CMIP: variants seen among roughly 807,000 people sequenced by gnomAD.
CMIP encodes c-Maf inducing protein.
In CMIP, 13 loss-of-function variants were observed where a neutral mutation model predicts 97.3. The observed-to-expected ratio is 0.13, with a 90% CI of 0.09 to 0.21. The LOEUF (loss-of-function observed/expected upper bound fraction) is 0.21, where lower values mean the gene tolerates loss of function less well. Among genes scored for constraint, CMIP ranks in the 10% least tolerant of loss-of-function variants. The pLI is 1.00. For missense variants in CMIP, 847 were observed against 1,024.9 expected (o/e 0.83, Z 2.37); for synonymous variants, 538 against 436.3 (o/e 1.23, Z -2.91).
intron 10 of CMIP, among the ~76,000 whole-genome samples, chr16:81,687,598 T>G (rs1373640648): frequency 3.3e-5 from 5 of 152,068 alleles, no homozygotes; most frequent in African/African-American, 1.2e-4. Flanking sequence ...TGGTGACTTG[T>G]GGGAAATCAC....
At chr16:81,465,821 C>G (rs8044366) in intron 1 of CMIP, among the ~76,000 whole-genome samples, 38,151 of 152,062 alleles carry the variant, frequency 0.25, 5,636 homozygotes, top group Admixed American at 0.4. Flanking sequence ...CTGTGAGTTC[C>G]CTCGCTCCAG....
intron 10 of CMIP, chr16:81,691,536 G>C (rs573334615): frequency 2.8e-5 from 16 of 578,194 alleles, no homozygotes; most frequent in Non-Finnish European, 4.3e-5. Flanking sequence ...CTGGGGAATA[G>C]ACAGCTCACC....
At position 81,476,065 on chromosome 16, in the gene CMIP, G is replaced by A. The variant is rs541024411; in HGVS notation, c.300+30524G>A. On this transcript the variant is annotated intron_variant, in intron 1 of 20. Transcript: ENST00000537098. Reference sequence around the variant, plus strand: ...AGTTAGCAATAGTGATCTTCTTGCTGGTCTTGCCATTCCTGGACCCAAAGT... The same window carrying A: ...AGTTAGCAATAGTGATCTTCTTGCTAGTCTTGCCATTCCTGGACCCAAAGT... 39 of 735,906 alleles carry A rather than the reference G, an allele frequency of 5.3e-5. No individual in the cohort carries two copies. In the East Asian group the frequency reaches 1.0e-3, roughly 19 times the overall value. 45.6% of individuals were successfully genotyped at this position (735,906 alleles called of 1,614,324 possible).
chr16:81,644,336 G>A (rs147799497), intron 3 of CMIP, among the ~76,000 whole-genome samples: 191 of 152,328 alleles, frequency 1.3e-3, no homozygotes, highest in African/African-American at 4.2e-3. Flanking sequence ...TTTGTGACAT[G>A]GATTGTGTGG....
chr16:81,596,680 C>G (rs1055447132), intron 1 of CMIP, among the ~76,000 whole-genome samples: 6 of 152,136 alleles, frequency 3.9e-5, no homozygotes, highest in Non-Finnish European at 7.3e-5. Context: ...TTGCCTTTTT[C>G]CAGCGCCATC....
At chr16:81,699,864 A>G (rs1885558532) in intron 15 of CMIP, 63 bp downstream of exon 15, 2 of 1,162,150 alleles carry the variant, frequency 1.7e-6, no homozygotes, top group South Asian at 1.3e-5. Flanking sequence ...CCGTGCCGAT[A>G]GAGCATCTGC....
intron 1 of CMIP, among the ~76,000 whole-genome samples, chr16:81,511,921 T>G (rs1198057873): frequency 2.0e-5 from 3 of 152,202 alleles, no homozygotes; most frequent in Non-Finnish European, 4.4e-5. Flanking sequence ...ACATGGTCGC[T>G]GAGCACTTGA....
intron 1 of CMIP, among the ~76,000 whole-genome samples, chr16:81,448,997 C>T (rs1051781800): frequency 6.6e-5 from 10 of 152,228 alleles, no homozygotes; most frequent in Non-Finnish European, 1.5e-4. Context: ...CGGCCGGGTT[C>T]GGCAGGACCA....
intron 1 of CMIP, among the ~76,000 whole-genome samples, chr16:81,595,310 T>G (rs1186881055): frequency 6.6e-6 from 1 of 152,122 alleles, no homozygotes; most frequent in Admixed American, 6.5e-5. Flanking sequence ...CTGGACATCT[T>G]ACATAATTGG....
intron 5 of CMIP, among the ~76,000 whole-genome samples, chr16:81,660,642 G>A (rs1044972738): frequency 1.3e-5 from 2 of 152,108 alleles, no homozygotes; most frequent in African/African-American, 4.8e-5. Context: ...TCCCATCCCA[G>A]TGCCCTCTTT....
rs1265215651 is a variant in CMIP, at chr16:81,627,907, G to C, written c.477+6981G>C. ...CCCAGCACCAAGGCAAAGTGCCTGGGGCTCAGAGAGGGGAAGCCCACCTGA... is the reference window on the plus strand; with the variant it reads ...CCCAGCACCAAGGCAAAGTGCCTGGCGCTCAGAGAGGGGAAGCCCACCTGA... On this transcript the variant is annotated intron_variant, in intron 3 of 20. Coordinates refer to ENST00000537098, the MANE Select transcript of CMIP (RefSeq NM_198390.3). This position sits in a 1 kb window ranked among gnomAD's most constrained non-coding sequence, Gnocchi z 4.6. 1.3e-5 allele frequency among the ~76,000 whole-genome samples: 2 copies of C among 152,164 alleles called. No homozygotes were observed. The highest frequency in any genetic ancestry group is 1.3e-4 in the Admixed American group (2 of 15,288).
intron 1 of CMIP, among the ~76,000 whole-genome samples, chr16:81,446,743 G>A (rs1373157636): frequency 2.6e-5 from 4 of 152,172 alleles, no homozygotes; most frequent in Admixed American, 6.5e-5. Flanking sequence ...CATTTCCCTG[G>A]CATCCATGTT....
intron 1 of CMIP, among the ~76,000 whole-genome samples, chr16:81,597,901 C>T (rs74031216): frequency 0.011 from 1,663 of 152,142 alleles, 27 homozygotes; most frequent in African/African-American, 0.038. Context: ...GTGTCCCTCT[C>T]CATCACTGGC....
intron 1 of CMIP, among the ~76,000 whole-genome samples, chr16:81,503,003 C>G (rs1256852529): frequency 4.0e-5 from 6 of 151,740 alleles, no homozygotes; most frequent in African/African-American, 1.5e-4. Flanking sequence ...ATGTGGCTTT[C>G]CCAGGCAGTC....
At chr16:81,495,638 C>G (rs960614498) in intron 1 of CMIP, 52 of 780,646 alleles carry the variant, frequency 6.7e-5, no homozygotes, top group Non-Finnish European at 1.0e-4. Context: ...CTGAGAGACC[C>G]CAGGCCCCTT....
chr16:81,468,462 C>T (rs1426624906), intron 1 of CMIP, among the ~76,000 whole-genome samples: 8 of 152,250 alleles, frequency 5.3e-5, no homozygotes, highest in African/African-American at 9.6e-5. Context: ...AGGGTGAGAA[C>T]GAAGTGAGAA....
At chr16:81,576,900 G>T (rs2091198387) in intron 1 of CMIP, among the ~76,000 whole-genome samples, 1 of 152,056 alleles carries the variant, frequency 6.6e-6, no homozygotes. Flanking sequence ...GGTCGTAGTG[G>T]AGGCTGCTCT....
At chr16:81,619,488 T>C (rs9939954) in intron 2 of CMIP, 22,490 of 152,204 alleles carry the variant, frequency 0.15, 2,107 homozygotes, top group African/African-American at 0.26. Context: ...TGTGCGCGTT[T>C]GTGTGCCTCG....
chr16:81,570,767 C>T (rs2091073735), intron 1 of CMIP, among the ~76,000 whole-genome samples: 1 of 152,180 alleles, frequency 6.6e-6, no homozygotes, highest in Non-Finnish European at 1.5e-5. Flanking sequence ...TCCAGGTCCC[C>T]ATTCTGTTCC....
Sources: gnomAD v4.1 joint callset for allele counts (sites outside exome capture counted in the v4.1 genomes callset) on GRCh38, gnomAD v4.1.1 for gene constraint, Gnocchi (gnomAD v3.1) non-coding constraint, MANE v1.5 for transcripts, NCBI Gene and HGNC (gene_info 2026-07-23, HGNC 2026-07-21) for gene names.